The following SUMF1 variants were observed in gnomAD, a reference collection of about 807,000 sequenced individuals.
SUMF1 encodes the protein formylglycine-generating enzyme.
Under a neutral mutation model 47.6 loss-of-function variants are expected in SUMF1, and 48 were observed. The observed-to-expected ratio is 1.01, with a 90% CI of 0.80 to 1.28. The LOEUF is 1.28. Ranked by LOEUF, SUMF1 falls within the 50% of genes most tolerant of loss-of-function variation. SUMF1 has a pLI of 0.00. For missense variants in SUMF1, 571 were observed against 485.4 expected (o/e 1.18, Z -1.66); for synonymous variants, 230 against 192.1 (o/e 1.20, Z -1.63).
intron 3 of SUMF1, among the ~76,000 whole-genome samples, chr3:4,435,283 C>T (rs1166519101): frequency 6.6e-6 from 1 of 151,920 alleles, no homozygotes; most frequent in African/African-American, 2.4e-5. Flanking sequence ...TGAATGGTCT[C>T]GAATGGAAAG....
intron 9 of SUMF1, among the ~76,000 whole-genome samples, chr3:4,059,807 A>C (rs1202238654): frequency 6.6e-6 from 1 of 152,048 alleles, no homozygotes; most frequent in Non-Finnish European, 1.5e-5. Context: ...AAAAAAAAAA[A>C]AAAAACCTTG....
intron 8 of SUMF1, among the ~76,000 whole-genome samples, chr3:4,075,550 G>A (rs1332385209): frequency 1.3e-5 from 2 of 152,064 alleles, no homozygotes; most frequent in Non-Finnish European, 1.5e-5. Context: ...AAGTCAAATT[G>A]TCTCTGTTTG....
intron 8 of SUMF1, among the ~76,000 whole-genome samples, chr3:4,212,538 G>A (rs1270895039): frequency 6.6e-6 from 1 of 152,094 alleles, no homozygotes; most frequent in African/African-American, 2.4e-5. Flanking sequence ...CAACAAGGGA[G>A]CAAAAATGGA....
rs111823159 is a variant in SUMF1, at chr3:4,085,596, A to G, written c.1015-16851T>C. Among the ~76,000 whole-genome samples the G allele has an allele frequency of 3.9e-5, 6 of 152,210 alleles. 1 individual carries two copies. The highest frequency in any genetic ancestry group is 1.4e-4 in the African/African-American group (6 of 41,508). On this transcript the variant is annotated intron_variant and NMD_transcript_variant, in intron 8 of 12. Transcript: ENST00000448413. ...ATAGTCAGTCTTAAAGTATTGAGAA[A>G]CATAATTAAAACAAAAGTTCATTCT... is the stretch of plus-strand genomic sequence containing the variant.
chr3:4,234,198 T>C (rs888254801), intron 8 of SUMF1, among the ~76,000 whole-genome samples: 1 of 152,098 alleles, frequency 6.6e-6, no homozygotes, highest in Non-Finnish European at 1.5e-5. Context: ...TTTCTGACCC[T>C]CTGTTTCCTC....
intron 9 of SUMF1, among the ~76,000 whole-genome samples, chr3:4,068,190 G>A (rs1441597210): frequency 6.6e-6 from 1 of 152,034 alleles, no homozygotes; most frequent in Non-Finnish European, 1.5e-5. Flanking sequence ...TCCCTCCTGT[G>A]GTCATTAAAA....
At chr3:4,088,597 C>T (rs1164669458) in intron 8 of SUMF1, among the ~76,000 whole-genome samples, 1 of 152,030 alleles carries the variant, frequency 6.6e-6, no homozygotes, top group African/African-American at 2.4e-5. Flanking sequence ...TTATTCATTT[C>T]ATTTACTTAT....
At chr3:4,147,512 C>T (rs1694223032) in intron 8 of SUMF1, among the ~76,000 whole-genome samples, 1 of 152,136 alleles carries the variant, frequency 6.6e-6, no homozygotes, top group Non-Finnish European at 1.5e-5. Context: ...GTTTTTAACT[C>T]TGCTAGCAGA....
At chr3:4,116,364 T>G (rs1031075295) in intron 8 of SUMF1, among the ~76,000 whole-genome samples, 1 of 152,148 alleles carries the variant, frequency 6.6e-6, no homozygotes, top group Non-Finnish European at 1.5e-5. Context: ...TTGCGCAGAA[T>G]AAGCAATTTC....
At chr3:4,330,358 T>A (rs1419773458) in intron 8 of SUMF1, among the ~76,000 whole-genome samples, 2 of 152,194 alleles carry the variant, frequency 1.3e-5, no homozygotes, top group African/African-American at 4.8e-5. Context: ...GCATAATTTA[T>A]ACAGAAAAAA....
intron 7 of SUMF1, among the ~76,000 whole-genome samples, chr3:4,386,090 A>G (rs966132021): frequency 2.6e-5 from 4 of 152,164 alleles, no homozygotes; most frequent in East Asian, 3.8e-4. Context: ...ATTATTTTTC[A>G]AAATTGTTTT....
At chr3:4,210,644 T>A (rs1265007655) in intron 8 of SUMF1, among the ~76,000 whole-genome samples, 2 of 152,096 alleles carry the variant, frequency 1.3e-5, no homozygotes, top group African/African-American at 2.4e-5. Context: ...TTCAGGGGTA[T>A]ATGTGCATGT....
intron 8 of SUMF1, among the ~76,000 whole-genome samples, chr3:4,105,203 A>C (rs1693130736): frequency 2.0e-5 from 3 of 152,132 alleles, no homozygotes; most frequent in Admixed American, 2.0e-4. Context: ...AGCAGAGCAC[A>C]GAATGCTGGT....
chr3:4,360,205 CTTTTTTT>C (rs57690047), downstream of SUMF1, among the ~76,000 whole-genome samples: 1 of 104,140 alleles, frequency 9.6e-6, no homozygotes, highest in African/African-American at 3.4e-5. Flanking sequence ...AATGTTTGTT[CTTTTTTT>C]TTTTTTTTTT....
intron 7 of SUMF1, among the ~76,000 whole-genome samples, chr3:4,381,272 G>A (rs1700495818): frequency 6.6e-6 from 1 of 152,138 alleles, no homozygotes; most frequent in Non-Finnish European, 1.5e-5. Context: ...TCACTCATAA[G>A]TGGGAGCTAA....
chr3:4,388,179 C>G (rs779127443), intron 7 of SUMF1, among the ~76,000 whole-genome samples: 11 of 152,190 alleles, frequency 7.2e-5, no homozygotes, highest in Non-Finnish European at 1.3e-4. Context: ...AGGTCCCCAA[C>G]TAAAATTGTG....
chr3:4,037,347 C>G (rs2125014708), intron 9 of SUMF1, among the ~76,000 whole-genome samples: 2 of 152,258 alleles, frequency 1.3e-5, no homozygotes, highest in East Asian at 3.9e-4. Context: ...TCTCCTTATC[C>G]ACCTCCACTT....
At position 4,410,978 on chromosome 3, in the gene SUMF1, C is replaced by T. The variant is rs1269294760; in HGVS notation, c.841G>A (p.Val281Ile). Residue 281 changes from valine to isoleucine, a missense_variant and splice_region_variant, in exon 7 of 9, where the codon GTT becomes ATT. Val to Ile is a conservative substitution (Grantham distance 29). Coordinates refer to ENST00000272902, the MANE Select transcript of SUMF1 (RefSeq NM_182760.4). ...TAACCATTGGGAGGGAAGGCATCAA[C>T]CTAAAAACAAAGACAGGAAAAATGC... ...GEDGFQGTAP[V>I]DAFPPNGYGL... 3.6e-5 allele frequency: 58 copies of T among 1,613,370 alleles called. No individual in the cohort carries two copies. The highest frequency in any genetic ancestry group is 4.8e-5 in the Non-Finnish European group (57 of 1,179,424).
chr3:4,274,722 G>A (rs576784532), intron 8 of SUMF1, among the ~76,000 whole-genome samples: 196 of 152,154 alleles, frequency 1.3e-3, no homozygotes, highest in Non-Finnish European at 2.4e-3. Context: ...ATGAATCTCT[G>A]GAAATAAAAA....
Sources: gnomAD v4.1 joint callset for allele counts (sites outside exome capture counted in the v4.1 genomes callset) on GRCh38, gnomAD v4.1.1 for gene constraint, MANE v1.5 for transcripts, NCBI Gene and HGNC (gene_info 2026-07-23, HGNC 2026-07-21) for gene names.